The following ADCY2 variants were observed in gnomAD, a reference collection of about 807,000 sequenced individuals.
ADCY2 encodes the protein adenylate cyclase 2, also known as adenylate cyclase type 2.
In ADCY2, 31 loss-of-function variants were observed where a neutral mutation model predicts 125.2. The observed-to-expected ratio is 0.25, with a 90% confidence interval of 0.19 to 0.33. The LOEUF is 0.33. ADCY2 is among the 10% of genes least tolerant of loss of function. ADCY2 has a pLI of 1.00. For missense variants in ADCY2, 904 were observed against 1,418.2 expected (o/e 0.64, Z 5.82); for synonymous variants, 512 against 548.4 (o/e 0.93, Z 0.93).
chr5:7,752,927 C>T (rs1298554546), intron 15 of ADCY2, among the ~76,000 whole-genome samples: 5 of 120,824 alleles, frequency 4.1e-5, no homozygotes, highest in Non-Finnish European at 8.0e-5. Flanking sequence ...GAGACACAGT[C>T]TTGCTCTGTC....
chr5:7,749,127 C>T (rs12186377), intron 15 of ADCY2, among the ~76,000 whole-genome samples: 37,809 of 152,172 alleles, frequency 0.25, 6,200 homozygotes, highest in Non-Finnish European at 0.37. Flanking sequence ...ATCAAAATCA[C>T]ATTGGTAAGT....
At chr5:7,444,107 ATC>A (rs1452357050) in intron 2 of ADCY2, among the ~76,000 whole-genome samples, 1 of 123,286 alleles carries the variant, frequency 8.1e-6, no homozygotes, top group African/African-American at 3.1e-5. Flanking sequence ...TTTGGTTTTT[ATC>A]TCTTTTTTTT....
In ADCY2 at chr5:7,396,181, T is replaced by C; in HGVS notation, c.-116T>C. ...CGCGCCGGAGGCCCCTGCGCGCAGC[T>C]CCGGGTGCCGGCAGCCGGGCCGGCC... On this transcript the variant is annotated 5_prime_UTR_variant, in exon 1 of 25. Coordinates refer to ENST00000338316, the MANE Select transcript of ADCY2 (RefSeq NM_020546.3). This position sits in a 1 kb window ranked among gnomAD's most constrained non-coding sequence, Gnocchi z 5.7. 2.3e-6 allele frequency: 1 copy of C among 426,852 alleles called. No individual in the cohort carries two copies. Among genetic ancestry groups the C allele is most frequent in the Non-Finnish European group, 3.0e-6 (1 of 328,196 alleles). The allele number at this position is 426,852 out of a possible 1,614,324, so 26.4% of individuals were successfully genotyped here. A position where few individuals can be genotyped will look rare whatever the true frequency, so the allele number is the denominator to read the frequency against.
At chr5:7,398,326 G>A (rs113106296) in intron 1 of ADCY2, among the ~76,000 whole-genome samples, 9 of 152,296 alleles carry the variant, frequency 5.9e-5, no homozygotes, top group African/African-American at 2.2e-4. Flanking sequence ...GGGTCACTCA[G>A]AGATTTAGCA....
At chr5:7,590,377 C>T (rs75513125) in intron 3 of ADCY2, among the ~76,000 whole-genome samples, 1,675 of 152,260 alleles carry the variant, frequency 0.011, 11 homozygotes, top group Middle Eastern at 0.024. Flanking sequence ...TGGAGACATA[C>T]TGCTGCGAAA....
At chr5:7,592,325 A>G (rs1214948983) in intron 3 of ADCY2, among the ~76,000 whole-genome samples, 1 of 152,230 alleles carries the variant, frequency 6.6e-6, no homozygotes, top group Non-Finnish European at 1.5e-5. Context: ...GGATGAATAA[A>G]AAAAGATTCT....
At chr5:7,608,445 G>A (rs913675616) in intron 3 of ADCY2, among the ~76,000 whole-genome samples, 1 of 152,114 alleles carries the variant, frequency 6.6e-6, no homozygotes, top group African/African-American at 2.4e-5. Context: ...GCGTGGTGGT[G>A]CATGTCTGTA....
intron 20 of ADCY2, chr5:7,794,947 A>C (rs1449555756): frequency 2.0e-5 from 3 of 151,934 alleles, no homozygotes; most frequent in Non-Finnish European, 4.4e-5. Context: ...TTCCTCCCTA[A>C]GGTTTCCCCA....
At position 7,718,178 on chromosome 5, in the gene ADCY2, T is replaced by C. The variant is rs1741655407; in HGVS notation, c.1703+941T>C. ...TTTTTTTTTTTTTTGAGACAGAGTC[T>C]CGCTCTGTTGCCCAGGCTGGAGTGC... On this transcript the variant is annotated intron_variant, in intron 12 of 24. Coordinates refer to ENST00000338316, the MANE Select transcript of ADCY2 (RefSeq NM_020546.3). Among the ~76,000 whole-genome samples the C allele has an allele frequency of 3.0e-5, 4 of 134,020 alleles. No homozygotes were observed. In the South Asian group the frequency reaches 9.6e-4, roughly 32 times the overall value. 87.9% of individuals were successfully genotyped at this position (134,020 alleles called of 152,430 possible).
At chr5:7,522,739 T>TAAAAAAAAAAAAAAA (rs35601967) in intron 3 of ADCY2, 3 of 122,614 alleles carry the variant, frequency 2.4e-5, no homozygotes, top group Admixed American at 8.1e-5. Flanking sequence ...CATCTCTACT[T>TAAAAAAAAAAAAAAA]AAAAAAAAAA....
intron 16 of ADCY2, among the ~76,000 whole-genome samples, chr5:7,763,836 T>C (rs879935703): frequency 6.6e-6 from 1 of 152,208 alleles, no homozygotes; most frequent in Non-Finnish European, 1.5e-5. Context: ...TGTCATCGCT[T>C]GCCATGACTC....
intron 15 of ADCY2, 90 bp downstream of exon 15, chr5:7,743,842 T>A: frequency 7.9e-7 from 1 of 1,263,522 alleles, no homozygotes; most frequent in Non-Finnish European, 1.1e-6. Flanking sequence ...ACAAGGAGCT[T>A]ATTGCTTTAC....
At chr5:7,435,376 C>T (rs190361017) in intron 2 of ADCY2, among the ~76,000 whole-genome samples, 1 of 152,294 alleles carries the variant, frequency 6.6e-6, no homozygotes, top group East Asian at 1.9e-4. Flanking sequence ...TGCCTCTTCA[C>T]TCATGACTTA....
rs568298860 is a variant in ADCY2 at position 7,396,365 on chromosome 5, A to G, written c.69A>G (p.Gly23=). ...RDRSEEAAGG[G]DGLPRSRDWL... ...GCTCCGAGGAGGCGGCGGGCGGCGG[A>G]GACGGGCTGCCGCGGTCCCGGGACT... is the stretch of plus-strand genomic sequence containing the variant. The change falls in exon 1 of 25, where the codon GGA becomes GGG. Residue 23 remains glycine (G), a synonymous_variant. Coordinates refer to ENST00000338316, the MANE Select transcript of ADCY2 (RefSeq NM_020546.3). The surrounding 1 kb of genome is among the most constrained non-coding windows in gnomAD (Gnocchi z 5.7). 128 of 1,553,200 alleles carry G rather than the reference A, an allele frequency of 8.2e-5. No individual in the cohort carries two copies. The East Asian group carries it at 3.2e-3, about 39-fold the overall frequency.
Position 7,698,384 on chromosome 5 carries a change from C to T in ADCY2, c.1109+10C>T, listed in dbSNP as rs1453940135. On this transcript the variant is annotated intron_variant, in intron 7 of 24. Coordinates refer to ENST00000338316, the MANE Select transcript of ADCY2 (RefSeq NM_020546.3). ...TGTGTGAAGCCATAAAGTAAGTGGA[C>T]TGCTTAGTAAGCATTTTGTTATATG... 3 of 1,613,810 alleles carry T rather than the reference C, an allele frequency of 1.9e-6. No homozygotes were observed. The highest frequency in any genetic ancestry group is 2.7e-5 in the African/African-American group (2 of 74,914).
intron 3 of ADCY2, among the ~76,000 whole-genome samples, chr5:7,617,545 A>G (rs1443211575): frequency 6.6e-6 from 1 of 152,170 alleles, no homozygotes; most frequent in East Asian, 1.9e-4. Flanking sequence ...ACTCCTTTTG[A>G]TTGTGGTCTT....
At chr5:7,494,202 T>G (rs1477654747) in intron 2 of ADCY2, among the ~76,000 whole-genome samples, 1 of 152,110 alleles carries the variant, frequency 6.6e-6, no homozygotes, top group Non-Finnish European at 1.5e-5. Flanking sequence ...GGGAATCACC[T>G]GCTTCCTGCT....
intron 1 of ADCY2, among the ~76,000 whole-genome samples, chr5:7,402,560 G>T (rs192900130): frequency 6.6e-6 from 1 of 152,254 alleles, no homozygotes; most frequent in African/African-American, 2.4e-5. Context: ...TGCTTTACCA[G>T]CTAGTTTTCT....
chr5:7,735,786 T>A (rs1276575448), intron 14 of ADCY2, among the ~76,000 whole-genome samples: 2 of 152,256 alleles, frequency 1.3e-5, no homozygotes, highest in Admixed American at 1.3e-4. Context: ...TTCTACTTTT[T>A]TTTGTGATGT....
Sources: gnomAD v4.1 joint callset for allele counts (sites outside exome capture counted in the v4.1 genomes callset) on GRCh38, gnomAD v4.1.1 for gene constraint, Gnocchi (gnomAD v3.1) non-coding constraint, MANE v1.5 for transcripts, NCBI Gene and HGNC (gene_info 2026-07-23, HGNC 2026-07-21) for gene names.